The following SKAP2 variants were observed in gnomAD, a reference collection of about 807,000 sequenced individuals.
The protein encoded by SKAP2 is src kinase-associated phosphoprotein 2.
Under a neutral mutation model 54.9 loss-of-function variants are expected in SKAP2, and 28 were observed. That is an observed-to-expected ratio of 0.51 (90% CI 0.38 to 0.70). SKAP2 has a LOEUF of 0.70. Ranked by LOEUF, SKAP2 falls within the 30% of genes least tolerant of loss-of-function variation. SKAP2 has a pLI of 0.00. For missense variants in SKAP2, 356 were observed against 424.1 expected (o/e 0.84, Z 1.41); for synonymous variants, 137 against 134.3 (o/e 1.02, Z -0.14).
intron 4 of SKAP2, among the ~76,000 whole-genome samples, chr7:26,832,723 T>A (rs190911923): frequency 2.3e-4 from 35 of 152,248 alleles, no homozygotes; most frequent in South Asian, 2.1e-3. Context: ...CCAAAATTTT[T>A]GAGTAATTCC....
chr7:26,852,844 C>T (rs1785074131), intron 3 of SKAP2, among the ~76,000 whole-genome samples: 1 of 152,046 alleles, frequency 6.6e-6, no homozygotes, highest in African/African-American at 2.4e-5. Context: ...AATAATATGC[C>T]TTTTAAGAGA....
chr7:26,776,752 C>G (rs556871571), intron 4 of SKAP2, among the ~76,000 whole-genome samples: 23 of 152,270 alleles, frequency 1.5e-4, no homozygotes, highest in African/African-American at 5.1e-4. Flanking sequence ...TGCCAAGGTC[C>G]TCTTACTTAG....
chr7:26,794,611 C>A (rs998511401), intron 4 of SKAP2, among the ~76,000 whole-genome samples: 1 of 152,134 alleles, frequency 6.6e-6, no homozygotes, highest in Admixed American at 6.5e-5. Context: ...CTGGGCCATG[C>A]AATTATCTTG....
chr7:26,769,357 A>G (rs1216933107), intron 4 of SKAP2, among the ~76,000 whole-genome samples: 1 of 152,000 alleles, frequency 6.6e-6, no homozygotes, highest in African/African-American at 2.4e-5. Context: ...AGTTCCTCTA[A>G]CCTTTTATCA....
At chr7:26,746,443 A>G (rs1415987538) in intron 4 of SKAP2, 2 of 152,180 alleles carry the variant, frequency 1.3e-5, no homozygotes, top group East Asian at 1.9e-4. Flanking sequence ...CCAAAACAAA[A>G]TAAGACTATG....
chr7:26,771,978 G>A (rs987649132), intron 4 of SKAP2, among the ~76,000 whole-genome samples: 3 of 152,030 alleles, frequency 2.0e-5, no homozygotes, highest in Non-Finnish European at 4.4e-5. Flanking sequence ...CCTATCGCCT[G>A]GAAGATCATT....
intron 6 of SKAP2, among the ~76,000 whole-genome samples, chr7:26,736,891 G>A (rs771474057): frequency 2.0e-5 from 3 of 149,406 alleles, no homozygotes; most frequent in Non-Finnish European, 3.0e-5. Context: ...TGAGGCCCCC[G>A]CATCTCTAAA....
intron 4 of SKAP2, among the ~76,000 whole-genome samples, chr7:26,781,215 T>G (rs544431062): frequency 2.8e-4 from 43 of 152,256 alleles, no homozygotes; most frequent in African/African-American, 1.0e-3. Flanking sequence ...TCTTACACTA[T>G]GTAAAACAGT....
chr7:26,787,951 C>A (rs1272045725), intron 4 of SKAP2, among the ~76,000 whole-genome samples: 1 of 152,144 alleles, frequency 6.6e-6, no homozygotes, highest in East Asian at 1.9e-4. Context: ...CACCTCCCAA[C>A]TGTAAGTGAT....
At chr7:26,845,763 C>G (rs984818977) in intron 3 of SKAP2, among the ~76,000 whole-genome samples, 1 of 152,078 alleles carries the variant, frequency 6.6e-6, no homozygotes, top group African/African-American at 2.4e-5. Flanking sequence ...AAGACCACAT[C>G]TCTAAATAAA....
At chr7:26,661,035 ATCT>A in the SKAP2 span, among the ~76,000 whole-genome samples, 1 of 152,134 alleles carries the variant, frequency 6.6e-6, no homozygotes, top group Non-Finnish European at 1.5e-5. Flanking sequence ...TTACTTTGAT[ATCT>A]TCTAAGTAAT....
intron 4 of SKAP2, among the ~76,000 whole-genome samples, chr7:26,779,778 C>A (rs1026389068): frequency 2.6e-5 from 4 of 151,848 alleles, no homozygotes; most frequent in Admixed American, 6.6e-5. Context: ...AGAAAATATG[C>A]CTAGAGTCTG....
chr7:26,863,048 A>T (rs1785300541), intron 1 of SKAP2, among the ~76,000 whole-genome samples: 2 of 152,242 alleles, frequency 1.3e-5, no homozygotes, highest in South Asian at 4.1e-4. Flanking sequence ...TTCTTTAACT[A>T]TTTCCCTTAG....
chr7:26,809,418 GAA>G (rs772320632), intron 4 of SKAP2, among the ~76,000 whole-genome samples: 2 of 122,996 alleles, frequency 1.6e-5, no homozygotes, highest in East Asian at 2.2e-4. Context: ...CGTTTCACAA[GAA>G]AAAAAAAAAA....
intron 9 of SKAP2, among the ~76,000 whole-genome samples, chr7:26,706,431 A>T (rs1455819732): frequency 3.3e-5 from 5 of 152,158 alleles, no homozygotes; most frequent in Non-Finnish European, 7.3e-5. Flanking sequence ...CTTCTTTCCA[A>T]CCAGGAATAT....
intron 4 of SKAP2, among the ~76,000 whole-genome samples, chr7:26,774,579 C>A (rs1425419836): frequency 1.3e-5 from 2 of 151,850 alleles, no homozygotes; most frequent in Non-Finnish European, 2.9e-5. Context: ...AATCATCTCT[C>A]CTGTGAATAG....
At chr7:26,846,654 G>A (rs932221130) in intron 3 of SKAP2, among the ~76,000 whole-genome samples, 1 of 152,146 alleles carries the variant, frequency 6.6e-6, no homozygotes, top group African/African-American at 2.4e-5. Context: ...TCATGGTTTT[G>A]ACTTTTATAG....
intron 4 of SKAP2, among the ~76,000 whole-genome samples, chr7:26,778,024 T>C (rs1450879512): frequency 6.6e-6 from 1 of 152,072 alleles, no homozygotes; most frequent in Non-Finnish European, 1.5e-5. Flanking sequence ...GTTAGTTCTA[T>C]AGCAAAAGGT....
At chr7:26,708,728 T>C (rs4719878) in intron 9 of SKAP2, among the ~76,000 whole-genome samples, 3 of 152,226 alleles carry the variant, frequency 2.0e-5, no homozygotes, top group Non-Finnish European at 4.4e-5. Context: ...CTTTGTTCTT[T>C]ATCAGTCTCT....
Sources: allele counts gnomAD v4.1 joint callset (sites outside exome capture counted in the v4.1 genomes callset), GRCh38; gene constraint gnomAD v4.1.1; transcripts MANE v1.5; gene names NCBI Gene and HGNC (gene_info 2026-07-23, HGNC 2026-07-21).